CNTN3: variants seen among roughly 807,000 people sequenced by gnomAD.
CNTN3 encodes the protein contactin-3.
In CNTN3, 60 loss-of-function variants were observed where a neutral mutation model predicts 119.1. The ratio of observed to expected loss-of-function variants is 0.50; its 90% confidence interval spans 0.41 to 0.62. CNTN3 has a LOEUF of 0.62. Among genes scored for constraint, CNTN3 ranks in the 20% least tolerant of loss-of-function variants. The pLI is 0.00. For missense variants in CNTN3, 1,101 were observed against 1,242.4 expected, an observed-to-expected ratio of 0.89 and a Z score of 1.71; for synonymous variants, 450 against 438.7, an observed-to-expected ratio of 1.03 and a Z score of -0.32.
At chr3:74,508,234 C>T (rs1431026465) in intron 2 of CNTN3, among the ~76,000 whole-genome samples, 1 of 152,164 alleles carries the variant, frequency 6.6e-6, no homozygotes, top group Non-Finnish European at 1.5e-5. Context: ...CTCGGCTCTT[C>T]TCCTTCCTGA....
At chr3:74,391,272 G>A (rs1354863028) in intron 5 of CNTN3, among the ~76,000 whole-genome samples, 1 of 152,134 alleles carries the variant, frequency 6.6e-6, no homozygotes, top group Non-Finnish European at 1.5e-5. Flanking sequence ...TGCTAACAAT[G>A]TGTAGATTTG....
intron 4 of CNTN3, among the ~76,000 whole-genome samples, chr3:74,464,891 T>C (rs1282591932): frequency 1.3e-5 from 2 of 152,184 alleles, no homozygotes; most frequent in African/African-American, 4.8e-5. Flanking sequence ...CAAGTTATTA[T>C]TCATTAATTG....
chr3:74,273,914 A>T (rs949667910), intron 20 of CNTN3, among the ~76,000 whole-genome samples: 1 of 151,888 alleles, frequency 6.6e-6, no homozygotes, highest in African/African-American at 2.4e-5. Flanking sequence ...GCCTGGGGAA[A>T]CTTCTCAGCC....
chr3:74,398,606 ACTT>A (rs1705113446), intron 5 of CNTN3, among the ~76,000 whole-genome samples: 2 of 152,214 alleles, frequency 1.3e-5, no homozygotes, highest in Admixed American at 6.5e-5. Context: ...ATATGTCTGT[ACTT>A]CTTTTTCCCC....
At chr3:74,384,398 A>C (rs1704696541) in intron 5 of CNTN3, among the ~76,000 whole-genome samples, 1 of 152,240 alleles carries the variant, frequency 6.6e-6, no homozygotes, top group Non-Finnish European at 1.5e-5. Context: ...TTTTCTTTCC[A>C]AGAAGCAAAT....
chr3:74,345,062 T>C (rs1490978016), intron 11 of CNTN3, among the ~76,000 whole-genome samples: 1 of 152,172 alleles, frequency 6.6e-6, no homozygotes, highest in Non-Finnish European at 1.5e-5. Context: ...AAGTGCTTCA[T>C]TGACATTTTC....
At chr3:74,488,136 G>C (rs1159364898) in intron 3 of CNTN3, among the ~76,000 whole-genome samples, 2 of 151,516 alleles carry the variant, frequency 1.3e-5, no homozygotes, top group Non-Finnish European at 2.9e-5. Context: ...GTTTGAGACA[G>C]AGTCTCCCTC....
intron 1 of CNTN3, among the ~76,000 whole-genome samples, chr3:74,609,396 C>T (rs537913792): frequency 6.6e-6 from 1 of 152,284 alleles, no homozygotes; most frequent in African/African-American, 2.4e-5. Flanking sequence ...CAGCCTGGCA[C>T]ATTGCTTGAA....
At chr3:74,561,791 T>C (rs1704158064) in intron 1 of CNTN3, among the ~76,000 whole-genome samples, 1 of 152,314 alleles carries the variant, frequency 6.6e-6, no homozygotes, top group South Asian at 2.1e-4. Flanking sequence ...CTTTCCATGA[T>C]ACTTCATGCA....
At chr3:74,573,822 A>G (rs988931769) in intron 1 of CNTN3, among the ~76,000 whole-genome samples, 1 of 152,146 alleles carries the variant, frequency 6.6e-6, no homozygotes, top group African/African-American at 2.4e-5. Flanking sequence ...AGAAATTGGA[A>G]CACTCCAATA....
chr3:74,324,532 T>A, intron 13 of CNTN3, among the ~76,000 whole-genome samples: 1 of 152,210 alleles, frequency 6.6e-6, no homozygotes, highest in East Asian at 1.9e-4. Flanking sequence ...ATTGAAGGCT[T>A]GTGGTGAAAC....
At chr3:74,446,749 C>G (rs1356351328) in intron 4 of CNTN3, among the ~76,000 whole-genome samples, 3 of 149,764 alleles carry the variant, frequency 2.0e-5, no homozygotes, top group African/African-American at 7.4e-5. Flanking sequence ...TGTGGCCCCA[C>G]ATTATATTTC....
chr3:74,583,598 G>T (rs1184862521), intron 1 of CNTN3, among the ~76,000 whole-genome samples: 1 of 152,172 alleles, frequency 6.6e-6, no homozygotes, highest in Non-Finnish European at 1.5e-5. Context: ...AAATGACCAT[G>T]AGAGGAATTT....
chr3:74,360,306 G>A (rs571601043), intron 11 of CNTN3, among the ~76,000 whole-genome samples: 364 of 152,204 alleles, frequency 2.4e-3, no homozygotes, highest in African/African-American at 8.2e-3. Flanking sequence ...TGGACTCTAT[G>A]ACTTCAATGG....
chr3:74,278,676 A>C (rs1701932255), intron 20 of CNTN3, among the ~76,000 whole-genome samples: 1 of 152,172 alleles, frequency 6.6e-6, no homozygotes. Flanking sequence ...CATTGGAAAA[A>C]CGCTTCTCAA....
chr3:74,374,983 C>T (rs1158370232), intron 5 of CNTN3, among the ~76,000 whole-genome samples: 1 of 152,132 alleles, frequency 6.6e-6, no homozygotes, highest in African/African-American at 2.4e-5. Context: ...CTATATACTT[C>T]ATAGTATTGA....
chr3:74,401,513 C>A (rs1248255193), intron 5 of CNTN3, among the ~76,000 whole-genome samples: 2 of 148,802 alleles, frequency 1.3e-5, no homozygotes, highest in Admixed American at 1.3e-4. Context: ...CACACGCGCG[C>A]ACGCACACAC....
intron 10 of CNTN3, among the ~76,000 whole-genome samples, chr3:74,363,159 T>C (rs1704114954): frequency 6.6e-6 from 1 of 152,148 alleles, no homozygotes. Context: ...TCCTCCCTCT[T>C]TTTGTCATAA....
chr3:74,457,799 A>G (rs1293086064), intron 4 of CNTN3, among the ~76,000 whole-genome samples: 1 of 152,040 alleles, frequency 6.6e-6, no homozygotes, highest in African/African-American at 2.4e-5. Context: ...AGGACAACAA[A>G]CAAATTGAAA....
Sources: allele counts gnomAD v4.1 joint callset (sites outside exome capture counted in the v4.1 genomes callset), GRCh38; gene constraint gnomAD v4.1.1; transcripts MANE v1.5; gene names NCBI Gene and HGNC (gene_info 2026-07-23, HGNC 2026-07-21).